PDE3A: variants seen among roughly 807,000 people sequenced by gnomAD.
PDE3A encodes cGMP-inhibited 3',5'-cyclic phosphodiesterase 3A.
A neutral mutation model predicts 98.3 loss-of-function variants in PDE3A; 43 were observed. The ratio of observed to expected loss-of-function variants is 0.44; its 90% CI spans 0.34 to 0.56. The LOEUF is 0.56. Among genes scored for constraint, PDE3A ranks in the 20% least tolerant of loss-of-function variants. PDE3A has a pLI of 0.01. For synonymous variants in PDE3A, 663 were observed against 567.9 expected, an observed-to-expected ratio of 1.17 and a Z score of -2.38; for missense variants, 1,427 against 1,440.7, an observed-to-expected ratio of 0.99 and a Z score of 0.15.
At chr12:20,457,493 C>A (rs895066038) in intron 1 of PDE3A, among the ~76,000 whole-genome samples, 6 of 151,540 alleles carry the variant, frequency 4.0e-5, no homozygotes, top group Non-Finnish European at 7.4e-5. Context: ...AACTTAATTC[C>A]TGTGTTTTAT....
In PDE3A at chr12:20,637,213, AAAATGTGGC is replaced by A; in HGVS notation, c.2116_2124del (p.Lys706_Gly708del). 1 of 1,608,758 alleles carries A rather than the reference AAAATGTGGC, an allele frequency of 6.2e-7. No individual in the cohort carries two copies. Among genetic ancestry groups the A allele is most frequent in the East Asian group, 2.2e-5 (1 of 44,718 alleles). On this transcript the variant is annotated inframe_deletion, in exon 9 of 16. Transcript: ENST00000359062. ...TTGATTTAGTGGAAAATATAGGAAG[AAAATGTGGC>A]CGTATTCTTAGTCAGGTAAGAAATG...
intron 1 of PDE3A, among the ~76,000 whole-genome samples, chr12:20,458,999 AG>A (rs957100489): frequency 1.4e-4 from 21 of 152,204 alleles, no homozygotes; most frequent in Non-Finnish European, 4.4e-5. Flanking sequence ...TGTAAATAAA[AG>A]TGCCTAGATG....
Position 20,386,020 on chromosome 12 carries a change from T to TATATATAAA in PDE3A, c.960+15783_960+15784insAAATATATA, listed in dbSNP as rs1212136484. Among the ~76,000 whole-genome samples the TATATATAAA allele has an allele frequency of 7.5e-3, 461 of 61,728 alleles. 47 individuals carry two copies. Among genetic ancestry groups the TATATATAAA allele is most frequent in the East Asian group, 0.028 (65 of 2,338 alleles). The allele number at this position is 61,728 out of a possible 152,430, so 40.5% of individuals were successfully genotyped here. A position where few individuals can be genotyped will look rare whatever the true frequency, so the allele number is the denominator to read the frequency against. On this transcript the variant is annotated intron_variant, in intron 1 of 15. Coordinates refer to ENST00000359062, the MANE Select transcript of PDE3A (RefSeq NM_000921.5). ...AATATATATATAAATATATATAAAA[T>TATATATAAA]ATATATATAAATATATATAAAATAT...
chr12:20,502,970 G>T (rs1047121609), intron 1 of PDE3A, among the ~76,000 whole-genome samples: 3 of 151,918 alleles, frequency 2.0e-5, no homozygotes, highest in Non-Finnish European at 4.4e-5. Flanking sequence ...CATTTTCTTC[G>T]ACTATAAATG....
intron 1 of PDE3A, among the ~76,000 whole-genome samples, chr12:20,537,461 T>C (rs1292377351): frequency 6.6e-6 from 1 of 152,148 alleles, no homozygotes; most frequent in Non-Finnish European, 1.5e-5. Flanking sequence ...TTGATATTTG[T>C]TTTCATGATG....
At chr12:20,489,638 A>G (rs910904657) in intron 1 of PDE3A, among the ~76,000 whole-genome samples, 1 of 152,242 alleles carries the variant, frequency 6.6e-6, no homozygotes, top group Non-Finnish European at 1.5e-5. Flanking sequence ...TGTGATCATA[A>G]GATATGTCAT....
At chr12:20,414,799 TA>T (rs564508297) in intron 1 of PDE3A, among the ~76,000 whole-genome samples, 48 of 152,314 alleles carry the variant, frequency 3.2e-4, no homozygotes, top group African/African-American at 1.0e-3. Flanking sequence ...GAATTATTGT[TA>T]TTTTTTTCTT....
chr12:20,593,515 T>C lies in PDE3A; in HGVS notation c.1012-19928T>C, dbSNP rs76894696. Among the ~76,000 whole-genome samples, 250 of 148,530 alleles carry C rather than the reference T, an allele frequency of 1.7e-3. 2 individuals carry two copies. Among genetic ancestry groups the C allele is most frequent in the African/African-American group, 5.8e-3 (234 of 40,228 alleles). ...CATCCTCGTGTGATATAATGAGAGA[T>C]GGATTAAAGCAGGGATGAGAGGCTT... On this transcript the variant is annotated intron_variant, in intron 2 of 15. Coordinates refer to ENST00000359062, the MANE Select transcript of PDE3A (RefSeq NM_000921.5).
rs1944376267 is a variant in PDE3A at position 20,413,874 on chromosome 12, A to G, written c.960+43630A>G. 2.0e-5 allele frequency among the ~76,000 whole-genome samples: 3 copies of G among 152,154 alleles called. No individual in the cohort carries two copies. The South Asian group carries it at 6.2e-4, about 32-fold the overall frequency. ...GAGCATCTTTGACCAGTGTGATGGT[A>G]CGGGAGAGTGAAAATAGATGGACTT... On this transcript the variant is annotated intron_variant, in intron 1 of 15. Transcript: ENST00000359062.
At position 20,635,012 on chromosome 12, in the gene PDE3A, G is replaced by A; in HGVS notation, c.1957G>A (p.Ala653Thr). The A allele has an allele frequency of 6.2e-7, 1 of 1,613,758 alleles. No individual in the cohort carries two copies. Among genetic ancestry groups the A allele is most frequent in the South Asian group, 1.1e-5 (1 of 91,070 alleles). ...GTGCCTGAGAGAGCCTCTGAGGAAA[G>A]CATCGGCTTGCAGCACCTATGCTCC... is the stretch of plus-strand genomic sequence containing the variant. ...TECLREPLRK[A>T]SACSTYAPET... The change falls in exon 8 of 16, where the codon GCA (alanine) becomes ACA (threonine). Residue 653 changes from alanine to threonine, a missense_variant. By Grantham distance (58) the Ala-to-Thr change is moderately conservative. Coordinates refer to ENST00000359062, the MANE Select transcript of PDE3A (RefSeq NM_000921.5).
chr12:20,562,440 G>T (rs770791904), intron 2 of PDE3A, among the ~76,000 whole-genome samples: 2 of 151,574 alleles, frequency 1.3e-5, no homozygotes, highest in Admixed American at 1.3e-4. Flanking sequence ...GCATGATTTC[G>T]ATCTCCTGAC....
chr12:20,674,461 A>T (rs1438404216), intron 15 of PDE3A, among the ~76,000 whole-genome samples: 2 of 152,148 alleles, frequency 1.3e-5, no homozygotes, highest in Non-Finnish European at 2.9e-5. Context: ...ATGTTGAGGC[A>T]TGTTCCTTCC....
chr12:20,680,215 G>T lies in PDE3A; in HGVS notation c.3370G>T (p.Glu1124Ter). The change falls in exon 16 of 16, where the codon GAA (glutamate) becomes TAA (stop). Residue 1124 changes from glutamate to a stop codon, truncating the protein, a stop_gained. Transcript: ENST00000359062. LOFTEE classifies it high-confidence loss of function. ...EQIQAIKEEE[E>*]EKGKPRGEEI... ...GATCCAGGCTATCAAGGAAGAAGAA[G>T]AAGAGAAAGGGAAACCAAGAGGCGA... 2 of 1,613,928 alleles carry T rather than the reference G, an allele frequency of 1.2e-6. No homozygotes were observed. Among genetic ancestry groups the T allele is most frequent in the Non-Finnish European group, 1.7e-6 (2 of 1,179,910 alleles).
rs1216100971 is a variant in PDE3A, at chr12:20,682,185, T to C, written c.*1914T>C. 1 of 152,242 alleles carries C rather than the reference T, an allele frequency of 6.6e-6. No homozygotes were observed. The highest frequency in any genetic ancestry group is 1.5e-5 in the Non-Finnish European group (1 of 68,038). The allele number at this position is 152,242 out of a possible 1,614,324, so 9.4% of individuals were successfully genotyped here. ...TCCCAGATGAAAAACTGTTAACCAATACCATATTTTATAGTTGGTGTCCAT... is the reference window on the plus strand; with the variant it reads ...TCCCAGATGAAAAACTGTTAACCAACACCATATTTTATAGTTGGTGTCCAT... On this transcript the variant is annotated 3_prime_UTR_variant, in exon 16 of 16. Transcript: ENST00000359062.
At chr12:20,556,803 C>A in intron 2 of PDE3A, 93 bp downstream of exon 2, 2 of 884,404 alleles carry the variant, frequency 2.3e-6, no homozygotes, top group Non-Finnish European at 1.9e-6. Context: ...AAATGTGGAG[C>A]GAGGAAGAGG....
rs1039801455 is a variant in PDE3A at position 20,686,309 on chromosome 12, T to G, written c.*6038T>G. Among the ~76,000 whole-genome samples the G allele has an allele frequency of 6.6e-6, 1 of 152,208 alleles. No individual in the cohort carries two copies. The highest frequency in any genetic ancestry group is 6.5e-5 in the Admixed American group (1 of 15,276). On this transcript the variant is annotated 3_prime_UTR_variant, in exon 16 of 16. Transcript: ENST00000359062. ...TGTATTATCCAGCAATTTATTGTTT[T>G]GTGTTGTTATAAAATAAATGTTCTA...
At chr12:20,613,882 A>G (rs1943933039) in intron 3 of PDE3A, among the ~76,000 whole-genome samples, 182 bp downstream of exon 3, 1 of 152,168 alleles carries the variant, frequency 6.6e-6, no homozygotes, top group South Asian at 2.1e-4. Flanking sequence ...CTTATACTTG[A>G]TAGTTTTCTA....
At chr12:20,473,996 C>T (rs932059132) in intron 1 of PDE3A, among the ~76,000 whole-genome samples, 1 of 151,936 alleles carries the variant, frequency 6.6e-6, no homozygotes, top group Non-Finnish European at 1.5e-5. Context: ...AGGCATATAC[C>T]TGGGAGTTAA....
intron 15 of PDE3A, among the ~76,000 whole-genome samples, chr12:20,659,586 G>A (rs1389344881): frequency 6.6e-6 from 1 of 151,066 alleles, no homozygotes; most frequent in Non-Finnish European, 1.5e-5. Context: ...ATTTACTTTT[G>A]TAGAGACAGC....
Sources: allele counts gnomAD v4.1 joint callset (sites outside exome capture counted in the v4.1 genomes callset), GRCh38; gene constraint gnomAD v4.1.1; transcripts MANE v1.5; gene names NCBI Gene and HGNC (gene_info 2026-07-23, HGNC 2026-07-21).